RPS6KA2: variants seen among roughly 807,000 people sequenced by gnomAD.
RPS6KA2 encodes the protein ribosomal protein S6 kinase alpha-2.
RPS6KA2 carries 42 observed loss-of-function variants against 91.8 expected under a neutral mutation model. That is an observed-to-expected ratio of 0.46 (90% CI 0.36 to 0.59). RPS6KA2 has a LOEUF of 0.59. RPS6KA2 is among the 20% of genes least tolerant of loss of function. The pLI is 0.00. For missense variants in RPS6KA2, 798 were observed against 978.5 expected (o/e 0.82, Z 2.46); for synonymous variants, 414 against 393.6 (o/e 1.05, Z -0.61).
chr6:166,436,872 C>T (rs758113836), intron 14 of RPS6KA2, among the ~76,000 whole-genome samples: 3 of 152,136 alleles, frequency 2.0e-5, no homozygotes, highest in Non-Finnish European at 2.9e-5. Context: ...TCACACGACC[C>T]TCCTGGGCTC....
chr6:166,596,329 C>T (rs1362451763), intron 1 of RPS6KA2, among the ~76,000 whole-genome samples: 2 of 152,058 alleles, frequency 1.3e-5, no homozygotes, highest in Admixed American at 6.5e-5. Flanking sequence ...AGGGTGCTGC[C>T]GAAGGAGGTT....
intron 2 of RPS6KA2, among the ~76,000 whole-genome samples, chr6:166,765,142 G>A (rs1583094089): frequency 6.6e-6 from 1 of 151,972 alleles, no homozygotes. Context: ...CACATGAAGA[G>A]AGCCACAGTC....
chr6:166,576,741 T>A (rs915366978), intron 1 of RPS6KA2, among the ~76,000 whole-genome samples: 1 of 152,168 alleles, frequency 6.6e-6, no homozygotes, highest in African/African-American at 2.4e-5. Flanking sequence ...GACAATGTGA[T>A]AGGAAAGAAA....
intron 1 of RPS6KA2, among the ~76,000 whole-genome samples, chr6:166,610,501 G>A (rs76342685): frequency 0.011 from 1,700 of 152,306 alleles, 26 homozygotes; most frequent in African/African-American, 0.039. Flanking sequence ...ACTTCATGAG[G>A]CCAAACACTT....
intron 14 of RPS6KA2, 108 bp from the exon 15 acceptor site, chr6:166,432,598 T>A: frequency 1.5e-6 from 1 of 649,808 alleles, no homozygotes; most frequent in Non-Finnish European, 2.8e-6. Context: ...GGTGGCCCAA[T>A]CACTACAATC....
intron 2 of RPS6KA2, among the ~76,000 whole-genome samples, chr6:166,644,718 C>T (rs1787554631): frequency 6.6e-6 from 1 of 152,210 alleles, no homozygotes; most frequent in South Asian, 2.1e-4. Context: ...TTACTTGCAT[C>T]CTGCAAAAAG....
chr6:166,861,992 G>A (rs544463419), intron 1 of RPS6KA2: 4 of 1,344,854 alleles, frequency 3.0e-6, no homozygotes, highest in Non-Finnish European at 3.2e-6. Flanking sequence ...CCAACTCTCT[G>A]ACCCATCATA....
intron 3 of RPS6KA2, among the ~76,000 whole-genome samples, chr6:166,523,528 G>C (rs1194585951): frequency 6.6e-6 from 1 of 152,042 alleles, no homozygotes; most frequent in Non-Finnish European, 1.5e-5. Context: ...TTGCTGCCTT[G>C]TGCCTTAGTT....
At position 166,510,304 on chromosome 6, in the gene RPS6KA2, G is replaced by C; in HGVS notation, c.352C>G (p.His118Asp). ...TAATGAAGCTTCACAATGAAGGGGT[G>C]ATTCACTTCTGCCAAGATGTCTCTC... ...MERDILAEVN[H>D]PFIVKLHYAF... is the part of the protein sequence containing the mutation. The change falls in exon 4 of 21, where the codon CAC becomes GAC. Residue 118 changes from histidine (H) to aspartate (D), a missense_variant. Coordinates refer to ENST00000265678, the MANE Select transcript of RPS6KA2 (RefSeq NM_021135.6). The C allele has an allele frequency of 6.2e-7, 1 of 1,603,540 alleles. No homozygotes were observed. The highest frequency in any genetic ancestry group is 8.5e-7 in the Non-Finnish European group (1 of 1,173,446).
At chr6:166,520,911 C>G (rs1782832755) in intron 3 of RPS6KA2, among the ~76,000 whole-genome samples, 1 of 152,228 alleles carries the variant, frequency 6.6e-6, no homozygotes, top group South Asian at 2.1e-4. Context: ...GGCTGCCCAC[C>G]CATGTCAGGC....
intron 1 of RPS6KA2, among the ~76,000 whole-genome samples, chr6:166,556,787 C>T (rs1314353184): frequency 6.6e-6 from 1 of 152,186 alleles, no homozygotes; most frequent in East Asian, 1.9e-4. Context: ...GGTAGGCCAC[C>T]CACAGCCTTC....
chr6:166,510,958 C>T (rs1329469548), intron 3 of RPS6KA2, among the ~76,000 whole-genome samples: 1 of 152,110 alleles, frequency 6.6e-6, no homozygotes, highest in Non-Finnish European at 1.5e-5. Context: ...GAATGTTCCA[C>T]ATTCTGGGTT....
intron 1 of RPS6KA2, among the ~76,000 whole-genome samples, chr6:166,588,510 C>T (rs3799599): frequency 0.081 from 12,341 of 152,146 alleles, 671 homozygotes; most frequent in East Asian, 0.25. Flanking sequence ...AGGGACCCTG[C>T]GCTGGGAACT....
At chr6:166,830,125 CAAAA>C (rs34980248) in intron 2 of RPS6KA2, among the ~76,000 whole-genome samples, 7 of 99,578 alleles carry the variant, frequency 7.0e-5, no homozygotes, top group Admixed American at 1.0e-4. Context: ...AACTCCATTT[CAAAA>C]AAAAAAAAAA....
At chr6:166,522,953 A>G (rs949127160) in intron 3 of RPS6KA2, among the ~76,000 whole-genome samples, 3 of 152,246 alleles carry the variant, frequency 2.0e-5, no homozygotes, top group Non-Finnish European at 4.4e-5. Flanking sequence ...AAAGACTGAT[A>G]TGGTTACTTA....
At chr6:166,795,877 C>T (rs1779210258) in intron 2 of RPS6KA2, among the ~76,000 whole-genome samples, 1 of 152,208 alleles carries the variant, frequency 6.6e-6, no homozygotes, top group African/African-American at 2.4e-5. Context: ...GAACAGGAAG[C>T]ATCCAGGCAG....
chr6:166,455,144 A>G (rs1178920479), intron 12 of RPS6KA2, among the ~76,000 whole-genome samples: 1 of 151,986 alleles, frequency 6.6e-6, no homozygotes, highest in East Asian at 1.9e-4. Flanking sequence ...TAGGTGCTGT[A>G]CTTTGAAAGG....
At chr6:166,617,529 C>T (rs1786458356) in intron 1 of RPS6KA2, among the ~76,000 whole-genome samples, 1 of 152,154 alleles carries the variant, frequency 6.6e-6, no homozygotes, top group Admixed American at 6.5e-5. Context: ...CCACCTCATG[C>T]TGTTATGTGG....
intron 1 of RPS6KA2, among the ~76,000 whole-genome samples, chr6:166,620,439 G>A (rs995917496): frequency 1.3e-5 from 2 of 152,166 alleles, no homozygotes; most frequent in Admixed American, 6.6e-5. Context: ...CAGAAACAGC[G>A]TGGAAAACAA....
Sources: allele counts gnomAD v4.1 joint callset (sites outside exome capture counted in the v4.1 genomes callset), GRCh38; gene constraint gnomAD v4.1.1; transcripts MANE v1.5; gene names NCBI Gene and HGNC (gene_info 2026-07-23, HGNC 2026-07-21).